PTPRD: variants seen among roughly 807,000 people sequenced by gnomAD.
PTPRD encodes receptor-type tyrosine-protein phosphatase delta.
In PTPRD, 34 loss-of-function variants were observed where a neutral mutation model predicts 214.5. The ratio of observed to expected loss-of-function variants is 0.16; its 90% CI spans 0.12 to 0.21. The LOEUF is 0.21. Ranked by LOEUF, PTPRD falls within the 10% of genes least tolerant of loss-of-function variation. The pLI is 1.00. For synonymous variants in PTPRD, 1,128 were observed against 845.7 expected (o/e 1.33, Z -5.79); for missense variants, 2,545 against 2,398.7 (o/e 1.06, Z -1.27).
rs531377651 is a variant in PTPRD, at chr9:8,764,472, A to G, written c.-103-30526T>C. On this transcript the variant is annotated intron_variant, in intron 11 of 45. Coordinates refer to ENST00000381196, the MANE Select transcript of PTPRD (RefSeq NM_002839.4). ...TTTAGGGATCATGGATCTGACACTA[A>G]AAATACGGACCATTATGGGACACTC... Among the ~76,000 whole-genome samples the G allele has an allele frequency of 2.0e-5, 3 of 152,222 alleles. No homozygotes were observed. In the East Asian group the frequency reaches 5.8e-4, roughly 29 times the overall value.
intron 35 of PTPRD, among the ~76,000 whole-genome samples, chr9:8,418,973 CCTT>C (rs2094155616): frequency 6.6e-6 from 1 of 151,858 alleles, no homozygotes; most frequent in African/African-American, 2.4e-5. Flanking sequence ...AAAAATGGCT[CCTT>C]CATTCAAAAT....
chr9:10,149,134 G>A (rs1041611720), intron 3 of PTPRD, among the ~76,000 whole-genome samples: 2 of 152,130 alleles, frequency 1.3e-5, no homozygotes, highest in Non-Finnish European at 2.9e-5. Flanking sequence ...CAAGTAAGGA[G>A]CAGTATTCAT....
At chr9:8,440,449 G>C (rs931924198) in intron 34 of PTPRD, among the ~76,000 whole-genome samples, 2 of 151,940 alleles carry the variant, frequency 1.3e-5, no homozygotes, top group Admixed American at 6.6e-5. Context: ...CTGAGCAGCG[G>C]GATTACAGGG....
In PTPRD at chr9:9,103,615, G is replaced by GA. The variant is rs927744269; in HGVS notation, c.-143+79688dup. Among the ~76,000 whole-genome samples, 153 of 145,168 alleles carry GA rather than the reference G, an allele frequency of 1.1e-3. 1 individual carries two copies. The highest frequency in any genetic ancestry group is 2.5e-3 in the African/African-American group (100 of 39,858). On this transcript the variant is annotated intron_variant, in intron 10 of 45. Coordinates refer to ENST00000381196, the MANE Select transcript of PTPRD (RefSeq NM_002839.4). ...TTTAGCGTATCCTTTGCTTCCATAA[G>GA]AAAAAAAAAAATCAAAGAGGTGACA...
intron 8 of PTPRD, among the ~76,000 whole-genome samples, chr9:9,450,950 T>TACACACACACATACACACACAC: frequency 7.3e-6 from 1 of 136,684 alleles, no homozygotes; most frequent in Admixed American, 7.4e-5. Context: ...CATACATACA[T>TACACACACACATACACACACAC]ACACACACAC....
intron 8 of PTPRD, among the ~76,000 whole-genome samples, chr9:9,469,484 G>C (rs2094445578): frequency 6.6e-6 from 1 of 152,110 alleles, no homozygotes; most frequent in Non-Finnish European, 1.5e-5. Context: ...TACTGAGCTT[G>C]AGACAGAGGC....
At chr9:8,892,689 GTA>G (rs78664606) in intron 11 of PTPRD, among the ~76,000 whole-genome samples, 84,644 of 140,046 alleles carry the variant, frequency 0.6, 26,761 homozygotes, top group East Asian at 0.89. Context: ...ATATATGAGT[GTA>G]TATATATATA....
At chr9:10,386,317 T>C (rs572715780) in intron 2 of PTPRD, among the ~76,000 whole-genome samples, 1 of 152,018 alleles carries the variant, frequency 6.6e-6, no homozygotes, top group South Asian at 2.1e-4. Flanking sequence ...TGCTATACAA[T>C]GGATATTTTG....
At chr9:9,352,930 C>G (rs2052029438) in intron 9 of PTPRD, among the ~76,000 whole-genome samples, 1 of 151,938 alleles carries the variant, frequency 6.6e-6, no homozygotes, top group South Asian at 2.1e-4. Context: ...TTTATAATAA[C>G]TCTAATGGAT....
chr9:9,919,929 T>C lies in PTPRD; in HGVS notation c.-368+18578A>G, dbSNP rs181772421. Among the ~76,000 whole-genome samples, 56 of 152,294 alleles carry C rather than the reference T, an allele frequency of 3.7e-4. 2 individuals carry two copies. Among genetic ancestry groups the C allele is most frequent in the Non-Finnish European group, 8.8e-5 (6 of 68,016 alleles). ...CAGTATTTCATAAATGCAGTAATAA[T>C]CTGTTACATTTGTAACACCTATACG... On this transcript the variant is annotated intron_variant, in intron 5 of 45. Transcript: ENST00000381196.
At chr9:9,347,930 C>T (rs748076805) in intron 9 of PTPRD, among the ~76,000 whole-genome samples, 8 of 152,108 alleles carry the variant, frequency 5.3e-5, no homozygotes, top group Non-Finnish European at 1.2e-4. Context: ...CCTTTTCAGA[C>T]ACATCATAGT....
At chr9:8,912,920 G>T (rs1420814762) in intron 11 of PTPRD, among the ~76,000 whole-genome samples, 1 of 152,030 alleles carries the variant, frequency 6.6e-6, no homozygotes, top group Non-Finnish European at 1.5e-5. Context: ...GCTCAAATGA[G>T]ATATGAAACT....
chr9:8,870,884 G>A (rs1017308395), intron 11 of PTPRD, among the ~76,000 whole-genome samples: 8 of 152,084 alleles, frequency 5.3e-5, no homozygotes, highest in East Asian at 1.9e-4. Context: ...CAAAGCGAAC[G>A]GGATATTGGG....
chr9:9,016,617 G>A (rs1350526305), intron 11 of PTPRD, among the ~76,000 whole-genome samples: 1 of 152,092 alleles, frequency 6.6e-6, no homozygotes, highest in African/African-American at 2.4e-5. Context: ...GAGCAATGAG[G>A]CTGATGACTA....
intron 5 of PTPRD, among the ~76,000 whole-genome samples, chr9:9,865,715 T>C (rs1008727422): frequency 2.6e-5 from 4 of 152,350 alleles, no homozygotes; most frequent in African/African-American, 9.6e-5. Context: ...GTCAATACTC[T>C]GTAATTTTCT....
intron 5 of PTPRD, among the ~76,000 whole-genome samples, chr9:9,768,067 A>G (rs1157376423): frequency 3.9e-5 from 6 of 152,188 alleles, no homozygotes; most frequent in Non-Finnish European, 5.9e-5. Flanking sequence ...TTGTTGCTTA[A>G]AATACATTTA....
intron 10 of PTPRD, among the ~76,000 whole-genome samples, chr9:9,058,216 G>A (rs1190075287): frequency 6.6e-6 from 1 of 152,070 alleles, no homozygotes; most frequent in African/African-American, 2.4e-5. Context: ...CACAGCCTAT[G>A]ATGGAGTCAC....
chr9:8,596,826 G>A (rs918267305), intron 14 of PTPRD, among the ~76,000 whole-genome samples: 1 of 152,038 alleles, frequency 6.6e-6, no homozygotes, highest in Non-Finnish European at 1.5e-5. Context: ...ATAAGGTATT[G>A]GGAAACTAAG....
chr9:9,982,809 G>C (rs959453759), intron 4 of PTPRD, among the ~76,000 whole-genome samples: 1 of 152,076 alleles, frequency 6.6e-6, no homozygotes, highest in African/African-American at 2.4e-5. Context: ...TTCACTTCTT[G>C]ATTATAGCTT....
Sources: allele counts gnomAD v4.1 joint callset (sites outside exome capture counted in the v4.1 genomes callset), GRCh38; gene constraint gnomAD v4.1.1; transcripts MANE v1.5; gene names NCBI Gene and HGNC (gene_info 2026-07-23, HGNC 2026-07-21).